The following HDAC9 variants were observed in gnomAD, a reference collection of about 807,000 sequenced individuals.
HDAC9 encodes the protein MEF-2 interacting transcription repressor (MITR) protein.
Under a neutral mutation model 139.4 loss-of-function variants are expected in HDAC9, and 41 were observed. The observed-to-expected ratio is 0.29, with a 90% CI of 0.23 to 0.38. HDAC9 has a LOEUF of 0.38. Ranked by LOEUF, HDAC9 falls within the 10% of genes least tolerant of loss-of-function variation. The pLI, the probability that HDAC9 is intolerant of heterozygous loss-of-function variation, is 1.00. For synonymous variants in HDAC9, 517 were observed against 476.2 expected (o/e 1.09, Z -1.12); for missense variants, 1,147 against 1,297.0 (o/e 0.88, Z 1.78).
chr7:18,773,869 G>A (rs77446437), intron 16 of HDAC9, among the ~76,000 whole-genome samples: 3,887 of 152,000 alleles, frequency 0.026, 137 homozygotes, highest in African/African-American at 0.079. Context: ...ATTCACCCCC[G>A]TAACAAACTA....
intron 1 of HDAC9, among the ~76,000 whole-genome samples, chr7:18,375,503 G>T (rs751366018): frequency 4.5e-4 from 69 of 151,898 alleles, no homozygotes; most frequent in Non-Finnish European, 8.1e-4. Context: ...AAACAAAAGA[G>T]AATTTATATA....
chr7:18,686,963 G>C (rs1189812741), intron 12 of HDAC9, among the ~76,000 whole-genome samples: 1 of 151,800 alleles, frequency 6.6e-6, no homozygotes, highest in Non-Finnish European at 1.5e-5. Flanking sequence ...AACCTGATAA[G>C]AAGAGGGTAA....
At chr7:18,124,931 G>C (rs1784565849) in intron 1 of HDAC9, among the ~76,000 whole-genome samples, 3 of 150,986 alleles carry the variant, frequency 2.0e-5, no homozygotes, top group Middle Eastern at 6.8e-3. Context: ...TAGCAACAGA[G>C]GAAATAGATG....
At chr7:18,275,383 C>T (rs1796650018) in intron 2 of HDAC9, among the ~76,000 whole-genome samples, 2 of 152,142 alleles carry the variant, frequency 1.3e-5, no homozygotes, top group South Asian at 4.1e-4. Flanking sequence ...AAACTCTTCC[C>T]AGCCCCACCG....
At chr7:18,797,438 A>T (rs1318840316) in intron 17 of HDAC9, among the ~76,000 whole-genome samples, 1 of 152,222 alleles carries the variant, frequency 6.6e-6, no homozygotes, top group African/African-American at 2.4e-5. Flanking sequence ...TCCTCATCCA[A>T]TTTAAGAATT....
intron 1 of HDAC9, among the ~76,000 whole-genome samples, chr7:18,113,188 A>G (rs965295420): frequency 6.6e-6 from 1 of 152,206 alleles, no homozygotes; most frequent in African/African-American, 2.4e-5. Context: ...TTTAAGAAAT[A>G]AGAAGGATGA....
chr7:18,141,306 C>G (rs1327603340), intron 1 of HDAC9, among the ~76,000 whole-genome samples: 1 of 152,156 alleles, frequency 6.6e-6, no homozygotes, highest in East Asian at 1.9e-4. Flanking sequence ...AATTTTAAAA[C>G]CTTGAACATT....
At chr7:18,799,947 C>T (rs1793149144) in intron 17 of HDAC9, among the ~76,000 whole-genome samples, 2 of 151,994 alleles carry the variant, frequency 1.3e-5, no homozygotes, top group Admixed American at 6.6e-5. Context: ...CTCAGAGATC[C>T]ATACCTAGAC....
At chr7:18,420,372 G>C (rs971035629) in intron 1 of HDAC9, among the ~76,000 whole-genome samples, 2 of 152,156 alleles carry the variant, frequency 1.3e-5, no homozygotes, top group Non-Finnish European at 2.9e-5. Flanking sequence ...AATGTGCTCA[G>C]CTTGTCTGTA....
intron 8 of HDAC9, among the ~76,000 whole-genome samples, chr7:18,640,829 G>A (rs534474474): frequency 4.6e-5 from 7 of 152,080 alleles, no homozygotes; most frequent in Admixed American, 1.3e-4. Context: ...GTGCTGCCGC[G>A]TACTGATGCC....
chr7:18,259,145 T>G (rs960065088), intron 2 of HDAC9, among the ~76,000 whole-genome samples: 1 of 151,620 alleles, frequency 6.6e-6, no homozygotes, highest in Non-Finnish European at 1.5e-5. Flanking sequence ...AATTTTTGTA[T>G]TTTTAGTAGA....
chr7:18,561,939 GT>G (rs1820751612), intron 2 of HDAC9, among the ~76,000 whole-genome samples: 1 of 152,188 alleles, frequency 6.6e-6, no homozygotes, highest in African/African-American at 2.4e-5. Context: ...ATGTCTTTTT[GT>G]TTGCATATAT....
intron 1 of HDAC9, among the ~76,000 whole-genome samples, chr7:18,361,594 A>G (rs1334308522): frequency 6.6e-6 from 1 of 152,220 alleles, no homozygotes; most frequent in African/African-American, 2.4e-5. Context: ...CAAAGGAAAC[A>G]TTCATTTCTC....
intron 1 of HDAC9, among the ~76,000 whole-genome samples, chr7:18,441,165 A>G (rs545844342): frequency 6.6e-5 from 10 of 152,324 alleles, no homozygotes; most frequent in East Asian, 1.9e-4. Flanking sequence ...TAACATTTGT[A>G]TATCAAAGAA....
At chr7:18,311,595 G>A (rs1168647456) in intron 1 of HDAC9, among the ~76,000 whole-genome samples, 1 of 152,092 alleles carries the variant, frequency 6.6e-6, no homozygotes. Flanking sequence ...TACATAATGA[G>A]TGGCAAATCC....
At position 18,964,824 on chromosome 7, in the gene HDAC9, A is replaced by G. The variant is rs143181635; in HGVS notation, c.3022+10594A>G. On this transcript the variant is annotated intron_variant, in intron 24 of 25. Coordinates refer to ENST00000686413, the MANE Select transcript of HDAC9 (RefSeq NM_178425.4). ...GGGACACCACCCTCATGATTCAATC[A>G]CCTCCCACCAGGTCTCTCCTTCAAC... Among the ~76,000 whole-genome samples, 569 of 152,188 alleles carry G rather than the reference A, an allele frequency of 3.7e-3. 3 individuals carry two copies. Among genetic ancestry groups the G allele is most frequent in the African/African-American group, 0.013 (556 of 41,520 alleles).
chr7:18,431,489 A>T (rs1308320397), intron 1 of HDAC9, among the ~76,000 whole-genome samples: 1 of 152,172 alleles, frequency 6.6e-6, no homozygotes, highest in Non-Finnish European at 1.5e-5. Flanking sequence ...AAAATCTGTT[A>T]TACTTTAATT....
In HDAC9 at chr7:18,390,926, TAAAAATAC is replaced by T. The variant is rs1344363458; in HGVS notation, c.-42+100418_-42+100425del. 3.3e-5 allele frequency among the ~76,000 whole-genome samples: 5 copies of T among 152,186 alleles called. No individual in the cohort carries two copies. The East Asian group carries it at 9.7e-4, about 29-fold the overall frequency. ...TAACATGATGAGATCCTGTCTCTAC[TAAAAATAC>T]AAAAATTAGCCAGGCATGGTGGCAC... On this transcript the variant is annotated intron_variant, in intron 1 of 3. Transcript: ENST00000413509.
intron 1 of HDAC9, among the ~76,000 whole-genome samples, chr7:18,460,666 C>T (rs1793758893): frequency 1.3e-5 from 2 of 151,256 alleles, no homozygotes; most frequent in Admixed American, 6.6e-5. Flanking sequence ...TGTCTGTAAT[C>T]AATCCCAGCT....
Sources: allele counts gnomAD v4.1 joint callset (sites outside exome capture counted in the v4.1 genomes callset), GRCh38; gene constraint gnomAD v4.1.1; transcripts MANE v1.5; gene names NCBI Gene and HGNC (gene_info 2026-07-23, HGNC 2026-07-21).